GJA1: variants seen among roughly 807,000 people sequenced by gnomAD.
The protein encoded by GJA1 is gap junction alpha-1 protein.
A neutral mutation model predicts 31.0 loss-of-function variants in GJA1; 9 were observed. That is an observed-to-expected ratio of 0.29 (90% confidence interval 0.17 to 0.51). The LOEUF is 0.51. Among genes scored for constraint, GJA1 ranks in the 20% least tolerant of loss-of-function variants. The pLI is 0.98. For missense variants in GJA1, 278 were observed against 468.8 expected (o/e 0.59, Z 3.76); for synonymous variants, 186 against 180.1 (o/e 1.03, Z -0.26).
chr6:121,449,579 T>C lies in GJA1; in HGVS notation c.*1583T>C, dbSNP rs1333793249. The C allele has an allele frequency of 6.0e-6, 1 of 167,116 alleles. No homozygotes were observed. Among genetic ancestry groups the C allele is most frequent in the Non-Finnish European group, 1.5e-5 (1 of 68,116 alleles). 10.4% of individuals were successfully genotyped at this position (167,116 alleles called of 1,614,324 possible). Reference sequence around the variant, plus strand: ...CATGTCAGCTACATAAACAGTTTTGTACAATGAAAATTACTAATTTGTTTG... The same window carrying C: ...CATGTCAGCTACATAAACAGTTTTGCACAATGAAAATTACTAATTTGTTTG... On this transcript the variant is annotated 3_prime_UTR_variant, in exon 2 of 2. Coordinates refer to ENST00000282561, the MANE Select transcript of GJA1 (RefSeq NM_000165.5).
At chr6:121,439,306 T>C (rs1428982053) in intron 1 of GJA1, among the ~76,000 whole-genome samples, 2 of 152,186 alleles carry the variant, frequency 1.3e-5, no homozygotes, top group Admixed American at 6.5e-5. Context: ...GCATGAGTTA[T>C]TTATTAAATT....
intron 1 of GJA1, among the ~76,000 whole-genome samples, chr6:121,443,349 GCTA>G (rs1344659109): frequency 6.6e-6 from 1 of 152,050 alleles, no homozygotes; most frequent in Admixed American, 6.5e-5. Flanking sequence ...TCGACAGGTA[GCTA>G]CATGTTACAG....
At chr6:121,445,070 A>G (rs1394687091) in intron 1 of GJA1, among the ~76,000 whole-genome samples, 2 of 152,210 alleles carry the variant, frequency 1.3e-5, no homozygotes, top group Admixed American at 6.5e-5. Context: ...GAGAACCTCA[A>G]TTTTTATCAG....
At chr6:121,440,199 GT>G (rs1773746130) in intron 1 of GJA1, among the ~76,000 whole-genome samples, 2 of 146,858 alleles carry the variant, frequency 1.4e-5, no homozygotes, top group South Asian at 2.1e-4. Flanking sequence ...ACACAGTTGT[GT>G]TTTTTCCTTT....
In GJA1 at chr6:121,447,711, G is replaced by A. The variant is rs1773913277; in HGVS notation, c.864G>A (p.Leu288=). Residue 288 remains leucine (L), a synonymous_variant, in exon 2 of 2, where the codon CTG becomes CTA. Coordinates refer to ENST00000282561, the MANE Select transcript of GJA1 (RefSeq NM_000165.5). ...CTATGTCTCCTCCTGGGTACAAGCT[G>A]GTTACTGGCGACAGAAACAATTCTT... ...LSPMSPPGYK[L]VTGDRNNSSC... is the part of the protein sequence containing the mutation. 1 of 1,614,012 alleles carries A rather than the reference G, an allele frequency of 6.2e-7. No individual in the cohort carries two copies. Among genetic ancestry groups the A allele is most frequent in the Admixed American group, 1.7e-5 (1 of 59,994 alleles).
At chr6:121,442,261 C>T (rs958523107) in intron 1 of GJA1, among the ~76,000 whole-genome samples, 5 of 152,152 alleles carry the variant, frequency 3.3e-5, no homozygotes, top group Non-Finnish European at 7.3e-5. Flanking sequence ...TAGTAAAATA[C>T]TTAATTCTAA....
rs1582559245 is a variant in GJA1, at chr6:121,448,300, A to G, written c.*304A>G. The G allele has an allele frequency of 2.3e-6, 1 of 437,300 alleles. No homozygotes were observed. Among genetic ancestry groups the G allele is most frequent in the African/African-American group, 2.0e-5 (1 of 49,870 alleles). The allele number at this position is 437,300 out of a possible 1,614,324, so 27.1% of individuals were successfully genotyped here. A position where few individuals can be genotyped will look rare whatever the true frequency, so the allele number is the denominator to read the frequency against. On this transcript the variant is annotated 3_prime_UTR_variant, in exon 2 of 2. Coordinates refer to ENST00000282561, the MANE Select transcript of GJA1 (RefSeq NM_000165.5). The stretch of plus-strand genomic sequence containing the variant: ...ATAGATAAGGGCTTTTTCTCCCCGC[A>G]AACACCCCTAAGAATGGTTCTGTGT...
chr6:121,436,100 T>G lies in GJA1; in HGVS notation c.-17+268T>G, dbSNP rs935785375. On this transcript the variant is annotated intron_variant, in intron 1 of 1. Coordinates refer to ENST00000282561, the MANE Select transcript of GJA1 (RefSeq NM_000165.5). ...TAGAATAAAGGATTAGTTTACTGGA[T>G]GTTTGGTTTTTCATTTTAGAGTATC... is the stretch of plus-strand genomic sequence containing the variant. Among the ~76,000 whole-genome samples the G allele has an allele frequency of 5.3e-5, 8 of 151,264 alleles. No individual in the cohort carries two copies. The East Asian group carries it at 1.6e-3, about 30-fold the overall frequency.
chr6:121,437,184 A>G (rs559987301), intron 1 of GJA1, among the ~76,000 whole-genome samples: 2 of 152,244 alleles, frequency 1.3e-5, no homozygotes, highest in South Asian at 4.1e-4. Context: ...CGTTTCCCCC[A>G]AATCCTCACA....
intron 1 of GJA1, 102 bp from the exon 2 acceptor site, chr6:121,446,728 CGT>C (rs1773895969): frequency 3.6e-6 from 3 of 827,734 alleles, no homozygotes; most frequent in African/African-American, 1.7e-5. Context: ...GTTAGAAATA[CGT>C]GAAACCGTTG....
intron 1 of GJA1, among the ~76,000 whole-genome samples, chr6:121,441,972 G>A (rs952404710): frequency 1.3e-5 from 2 of 152,162 alleles, no homozygotes; most frequent in Non-Finnish European, 2.9e-5. Context: ...ATTTTTGGGT[G>A]TTAGTACATT....
At chr6:121,440,840 C>A (rs1363008771) in intron 1 of GJA1, among the ~76,000 whole-genome samples, 3 of 152,166 alleles carry the variant, frequency 2.0e-5, no homozygotes, top group Admixed American at 6.5e-5. Context: ...CTCCCGGGTT[C>A]AAGCAATTCT....
intron 1 of GJA1, among the ~76,000 whole-genome samples, chr6:121,440,339 G>C (rs1335603410): frequency 6.6e-6 from 1 of 152,054 alleles, no homozygotes; most frequent in African/African-American, 2.4e-5. Context: ...AACAAATTCA[G>C]GAAGCTCTTT....
intron 1 of GJA1, among the ~76,000 whole-genome samples, chr6:121,445,592 A>C (rs1193131941): frequency 1.3e-5 from 2 of 152,092 alleles, no homozygotes; most frequent in African/African-American, 4.8e-5. Flanking sequence ...GAAAGATGAA[A>C]ACCAATCTTT....
Position 121,447,507 on chromosome 6 carries a change from C to G in GJA1, c.660C>G (p.Ser220=). 1 of 1,613,860 alleles carries G rather than the reference C, an allele frequency of 6.2e-7. No individual in the cohort carries two copies. The highest frequency in any genetic ancestry group is 1.1e-5 in the South Asian group (1 of 91,052). ...TCATGCTGGTGGTGTCCTTGGTGTC[C>G]CTGGCCTTGAATATCATTGAACTCT... The part of the protein sequence containing the change: ...IIFMLVVSLV[S]LALNIIELFY... Residue 220 remains serine (S), a synonymous_variant, in exon 2 of 2, where the codon TCC becomes TCG. Transcript: ENST00000282561.
At chr6:121,441,097 C>T (rs1773771518) in intron 1 of GJA1, among the ~76,000 whole-genome samples, 1 of 152,188 alleles carries the variant, frequency 6.6e-6, no homozygotes, top group African/African-American at 2.4e-5. Context: ...TGCCCGCCAC[C>T]ACGCCCGGCT....
intron 1 of GJA1, among the ~76,000 whole-genome samples, chr6:121,439,638 C>T (rs1773730727): frequency 6.6e-6 from 1 of 152,050 alleles, no homozygotes; most frequent in South Asian, 2.1e-4. Context: ...ATGGGATGCA[C>T]CATCCTCTCT....
At chr6:121,440,257 G>GTGAA (rs1418359670) in intron 1 of GJA1, among the ~76,000 whole-genome samples, 15 of 151,650 alleles carry the variant, frequency 9.9e-5, no homozygotes, top group Non-Finnish European at 2.9e-5. Context: ...CAACCTAACA[G>GTGAA]TGAACTGAAT....
In GJA1 at chr6:121,447,883, A is replaced by C; in HGVS notation, c.1036A>C (p.Lys346Gln). 1 of 1,613,840 alleles carries C rather than the reference A, an allele frequency of 6.2e-7. No individual in the cohort carries two copies. The highest frequency in any genetic ancestry group is 2.2e-5 in the East Asian group (1 of 44,870). ...DFPDDNQNSK[K>Q]LAAGHELQPL... ...CCCCGATGATAACCAGAATTCTAAA[A>C]AACTAGCTGCTGGACATGAATTACA... The change falls in exon 2 of 2, where the codon AAA (lysine) becomes CAA (glutamine). Residue 346 changes from lysine (K) to glutamine (Q), a missense_variant. By Grantham distance (53) the Lys-to-Gln change is moderately conservative (BLOSUM62 1). Around this residue, in one of 3 missense-constraint regions of GJA1, gnomAD observed 172 missense variants for 190.9 expected, o/e 0.90. Transcript: ENST00000282561.
Sources: allele counts gnomAD v4.1 joint callset (sites outside exome capture counted in the v4.1 genomes callset), GRCh38; gene constraint gnomAD v4.1.1; regional missense constraint gnomAD v4.1.1; transcripts MANE v1.5; gene names NCBI Gene and HGNC (gene_info 2026-07-23, HGNC 2026-07-21).